The following CDKAL1 variants were observed in gnomAD, a reference collection of about 807,000 sequenced individuals.
The protein encoded by CDKAL1 is threonylcarbamoyladenosine tRNA methylthiotransferase.
A neutral mutation model predicts 68.2 loss-of-function variants in CDKAL1; 32 were observed. That is an observed-to-expected ratio of 0.47 (90% CI 0.35 to 0.63). The LOEUF (loss-of-function observed/expected upper bound fraction) is 0.63. Among genes scored for constraint, CDKAL1 ranks in the 30% least tolerant of loss-of-function variants. The probability of loss-of-function intolerance (pLI) is 0.00; values close to 1 mark genes in which losing one functional copy is unlikely to be tolerated. For synonymous variants in CDKAL1, 234 were observed against 244.3 expected (o/e 0.96, Z 0.39); for missense variants, 606 against 696.7 (o/e 0.87, Z 1.47).
At chr6:21,142,055 G>A (rs1775942541) in intron 13 of CDKAL1, among the ~76,000 whole-genome samples, 2 of 152,104 alleles carry the variant, frequency 1.3e-5, no homozygotes, top group African/African-American at 2.4e-5. Context: ...AAAGAAGGAA[G>A]GAAAAACATT....
Position 20,694,042 on chromosome 6 carries a change from TTG to T in CDKAL1, c.371+44683_371+44684del, listed in dbSNP as rs1231271309. On this transcript the variant is annotated intron_variant, in intron 5 of 15. Coordinates refer to ENST00000274695, the MANE Select transcript of CDKAL1 (RefSeq NM_017774.3). Reference sequence around the variant, plus strand: ...CACACACTAACACACCCGGCTAACTTTGTGTGTGTGTGTGTGTGTATGTGTGT... The same window carrying T: ...CACACACTAACACACCCGGCTAACTTTGTGTGTGTGTGTGTGTATGTGTGT... 3.5e-3 allele frequency among the ~76,000 whole-genome samples: 401 copies of T among 114,134 alleles called. 2 individuals are homozygous for T. Among genetic ancestry groups the T allele is most frequent in the African/African-American group, 0.011 (261 of 23,714 alleles). 74.9% of individuals were successfully genotyped at this position (114,134 alleles called of 152,430 possible). A position where few individuals can be genotyped will look rare whatever the true frequency, so the allele number is the denominator to read the frequency against.
In CDKAL1 at chr6:20,816,088, A is replaced by T. The variant is rs991473407; in HGVS notation, c.639-29987A>T. Among the ~76,000 whole-genome samples the T allele has an allele frequency of 6.0e-5, 9 of 151,104 alleles. No homozygotes were observed. The South Asian group carries it at 1.0e-3, about 18-fold the overall frequency. On this transcript the variant is annotated intron_variant, in intron 8 of 15. Coordinates refer to ENST00000274695, the MANE Select transcript of CDKAL1 (RefSeq NM_017774.3). ...CAGCATGACTCCATTCTCTGTGTCC[A>T]TACTGATATCTGGACACATGGCCTT...
chr6:20,717,297 A>G (rs1772143714), intron 5 of CDKAL1, among the ~76,000 whole-genome samples: 1 of 152,012 alleles, frequency 6.6e-6, no homozygotes. Flanking sequence ...TTAATACAAA[A>G]TACATGCGTA....
At chr6:20,912,984 T>C (rs910986670) in intron 9 of CDKAL1, among the ~76,000 whole-genome samples, 3 of 151,938 alleles carry the variant, frequency 2.0e-5, no homozygotes, top group Admixed American at 2.0e-4. Flanking sequence ...TCACAGATTA[T>C]TTATATAATG....
intron 5 of CDKAL1, among the ~76,000 whole-genome samples, chr6:20,727,538 A>G (rs1206980583): frequency 1.3e-5 from 2 of 152,144 alleles, no homozygotes; most frequent in Non-Finnish European, 2.9e-5. Context: ...GGTACAGTAA[A>G]TAAGGGTCAT....
At chr6:21,005,531 T>G (rs73733200) in intron 11 of CDKAL1, among the ~76,000 whole-genome samples, 18,776 of 152,206 alleles carry the variant, frequency 0.12, 2,273 homozygotes, top group African/African-American at 0.32. Flanking sequence ...CCTTAAATAG[T>G]TAACATCTCT....
intron 8 of CDKAL1, among the ~76,000 whole-genome samples, chr6:20,840,434 TAGAGTA>T (rs1266405371): frequency 6.6e-6 from 1 of 152,206 alleles, no homozygotes; most frequent in Non-Finnish European, 1.5e-5. Context: ...CTGATGGGAA[TAGAGTA>T]AGAGCAAATA....
chr6:20,731,942 G>T (rs926589935), intron 5 of CDKAL1, among the ~76,000 whole-genome samples: 4 of 152,132 alleles, frequency 2.6e-5, no homozygotes, highest in African/African-American at 4.8e-5. Flanking sequence ...TTACCTTGCT[G>T]CCAGGACATC....
chr6:20,908,967 G>A (rs1377276508), intron 9 of CDKAL1, among the ~76,000 whole-genome samples: 1 of 152,140 alleles, frequency 6.6e-6, no homozygotes, highest in Non-Finnish European at 1.5e-5. Flanking sequence ...GATTGAATGA[G>A]TACCAGACAT....
chr6:20,963,061 T>A (rs1211299480), intron 10 of CDKAL1, among the ~76,000 whole-genome samples: 1 of 152,216 alleles, frequency 6.6e-6, no homozygotes, highest in African/African-American at 2.4e-5. Flanking sequence ...ATACATTTTC[T>A]TTTTAAGTTT....
chr6:21,156,424 C>CAAAA (rs372631710), intron 13 of CDKAL1, among the ~76,000 whole-genome samples: 1,007 of 84,842 alleles, frequency 0.012, 30 homozygotes, highest in African/African-American at 0.03. Context: ...ACCCTGTCTC[C>CAAAA]AAAAAAAAAA....
At chr6:20,908,190 T>G (rs2150615759) in intron 9 of CDKAL1, among the ~76,000 whole-genome samples, 1 of 152,294 alleles carries the variant, frequency 6.6e-6, no homozygotes, top group African/African-American at 2.4e-5. Context: ...AAGTTGATTT[T>G]TTTTTCTCTA....
intron 9 of CDKAL1, among the ~76,000 whole-genome samples, chr6:20,915,751 A>T (rs1200498256): frequency 6.6e-6 from 1 of 152,172 alleles, no homozygotes; most frequent in Non-Finnish European, 1.5e-5. Context: ...TATATACATG[A>T]ATGTTCATAG....
At chr6:21,158,886 C>T (rs1405429889) in intron 13 of CDKAL1, among the ~76,000 whole-genome samples, 1 of 152,066 alleles carries the variant, frequency 6.6e-6, no homozygotes, top group African/African-American at 2.4e-5. Context: ...CAGTTAGAAA[C>T]ATATATGTAC....
At chr6:20,876,169 C>T (rs1760503538) in intron 9 of CDKAL1, among the ~76,000 whole-genome samples, 1 of 152,230 alleles carries the variant, frequency 6.6e-6, no homozygotes, top group African/African-American at 2.4e-5. Flanking sequence ...GAAGCTGACT[C>T]AGGATCTGAG....
chr6:20,871,570 A>G (rs1335207728), intron 9 of CDKAL1, among the ~76,000 whole-genome samples: 2 of 151,890 alleles, frequency 1.3e-5, no homozygotes, highest in Non-Finnish European at 2.9e-5. Context: ...AGATATAAAC[A>G]ACAACAACGA....
At chr6:20,600,062 C>T (rs1766016588) in intron 4 of CDKAL1, among the ~76,000 whole-genome samples, 1 of 152,080 alleles carries the variant, frequency 6.6e-6, no homozygotes, top group African/African-American at 2.4e-5. Context: ...AGTTTAGGAG[C>T]AGTACTGTGG....
At chr6:20,596,934 G>A (rs573365640) in intron 4 of CDKAL1, among the ~76,000 whole-genome samples, 6 of 152,184 alleles carry the variant, frequency 3.9e-5, no homozygotes, top group South Asian at 2.1e-4. Flanking sequence ...GTGAGGCAAC[G>A]CCCCGCCCTG....
At chr6:21,118,991 T>A (rs796768932) in intron 13 of CDKAL1, among the ~76,000 whole-genome samples, 3,238 of 152,296 alleles carry the variant, frequency 0.021, 132 homozygotes, top group African/African-American at 0.073. Flanking sequence ...GCTGCTTTTT[T>A]TATCTTTATT....
Sources: allele counts gnomAD v4.1 joint callset (sites outside exome capture counted in the v4.1 genomes callset), GRCh38; gene constraint gnomAD v4.1.1; transcripts MANE v1.5; gene names NCBI Gene and HGNC (gene_info 2026-07-23, HGNC 2026-07-21).